The following HBS1L variants were observed in gnomAD, a reference collection of about 807,000 sequenced individuals.
HBS1L encodes the protein HBS1 like translational GTPase, also known as HBS1-like protein.
Under a neutral mutation model 88.9 loss-of-function variants are expected in HBS1L, and 55 were observed. The observed-to-expected ratio is 0.62, with a 90% CI of 0.50 to 0.77. The LOEUF (loss-of-function observed/expected upper bound fraction) is 0.77. HBS1L is among the 30% of genes least tolerant of loss of function. The probability of loss-of-function intolerance (pLI) is 0.00; values close to 1 mark genes in which losing one functional copy is unlikely to be tolerated. For synonymous variants in HBS1L, 267 were observed against 288.5 expected (o/e 0.93, Z 0.76); for missense variants, 741 against 829.3 (o/e 0.89, Z 1.31).
At chr6:134,972,635 C>G (rs1023530317) in intron 15 of HBS1L, among the ~76,000 whole-genome samples, 2 of 152,076 alleles carry the variant, frequency 1.3e-5, no homozygotes, top group Non-Finnish European at 2.9e-5. Flanking sequence ...ACAAAGGACA[C>G]TACCAAGAAA....
chr6:135,001,474 AT>A (rs11314951), intron 5 of HBS1L, among the ~76,000 whole-genome samples: 5,059 of 151,468 alleles, frequency 0.033, 266 homozygotes, highest in African/African-American at 0.11. Flanking sequence ...TATTCTATTT[AT>A]TTCCCCCCTC....
chr6:135,051,969 G>A (rs910432600), intron 1 of HBS1L, among the ~76,000 whole-genome samples: 1 of 152,210 alleles, frequency 6.6e-6, no homozygotes, highest in South Asian at 2.1e-4. Flanking sequence ...ACAAGTGCCT[G>A]ATGTGAGAAA....
intron 4 of HBS1L, among the ~76,000 whole-genome samples, chr6:135,023,248 T>G (rs1776125400): frequency 1.3e-5 from 2 of 152,148 alleles, no homozygotes; most frequent in South Asian, 4.1e-4. Context: ...ATCGAGACCA[T>G]CCTGGCTAAC....
intron 15 of HBS1L, among the ~76,000 whole-genome samples, chr6:134,975,773 G>A (rs1774625618): frequency 6.6e-6 from 1 of 152,028 alleles, no homozygotes; most frequent in Non-Finnish European, 1.5e-5. Context: ...TAACTCAAGA[G>A]GGACTTGGAT....
At chr6:135,042,868 T>C (rs775983096) in intron 2 of HBS1L, among the ~76,000 whole-genome samples, 16 of 151,762 alleles carry the variant, frequency 1.1e-4, no homozygotes, top group Non-Finnish European at 1.9e-4. Flanking sequence ...AGTGCTAATT[T>C]TGCCTGAATC....
At chr6:135,023,081 G>C (rs1776118284) in intron 4 of HBS1L, among the ~76,000 whole-genome samples, 1 of 151,718 alleles carries the variant, frequency 6.6e-6, no homozygotes, top group Admixed American at 6.6e-5. Context: ...GTTTATGGCT[G>C]TTCTTTATCT....
At chr6:135,004,803 G>A (rs369513090) in intron 4 of HBS1L, among the ~76,000 whole-genome samples, 3 of 152,198 alleles carry the variant, frequency 2.0e-5, no homozygotes, top group African/African-American at 4.8e-5. Flanking sequence ...GAACATGTTG[G>A]TTGACCTCAA....
At position 134,966,401 on chromosome 6, in the gene HBS1L, T is replaced by C. The variant is rs1240753052; in HGVS notation, c.1971A>G (p.Lys657=). The C allele has an allele frequency of 5.0e-6, 8 of 1,612,796 alleles. No individual in the cohort carries two copies. The African/African-American group carries it at 8.0e-5, about 16-fold the overall frequency. ...TQRPIALELY[K]DFKELGRFML... Reference sequence around the variant, plus strand: ...TGAACCTCCCCAGCTCTTTAAAGTCTTTATATAGCTCAAGAGCTATTGGTC... The same window carrying C: ...TGAACCTCCCCAGCTCTTTAAAGTCCTTATATAGCTCAAGAGCTATTGGTC... Residue 657 remains lysine (K), a synonymous_variant, in exon 17 of 18, where the codon AAA becomes AAG. Transcript: ENST00000367837.
chr6:135,029,028 C>T (rs908647072), intron 4 of HBS1L, among the ~76,000 whole-genome samples: 1 of 151,864 alleles, frequency 6.6e-6, no homozygotes, highest in African/African-American at 2.4e-5. Flanking sequence ...AAAGGTACTA[C>T]AATAAATCCA....
intron 4 of HBS1L, among the ~76,000 whole-genome samples, chr6:135,004,004 A>T (rs931671818): frequency 6.6e-6 from 1 of 152,218 alleles, no homozygotes; most frequent in Non-Finnish European, 1.5e-5. Flanking sequence ...ATGTGTCTTT[A>T]TAATTTTCAG....
At position 134,964,822 on chromosome 6, in the gene HBS1L, G is replaced by GAGAAAAA. The variant is rs1554222018; in HGVS notation, c.*456_*457insTTTTTCT. ...CCAAATCTTTTCTTAGCATTAACTG[G>GAGAAAAA]AAAAAAAAAAAAAAAAAAAGCTTAG... On this transcript the variant is annotated 3_prime_UTR_variant, in exon 18 of 18. Coordinates refer to ENST00000367837, the MANE Select transcript of HBS1L (RefSeq NM_006620.4). 3 of 84,380 alleles carry GAGAAAAA rather than the reference G, an allele frequency of 3.6e-5. No homozygotes were observed. The highest frequency in any genetic ancestry group is 1.3e-4 in the African/African-American group (3 of 23,238). 5.2% of individuals were successfully genotyped at this position (84,380 alleles called of 1,614,324 possible). A position where few individuals can be genotyped will look rare whatever the true frequency, so the allele number is the denominator to read the frequency against.
Position 134,965,155 on chromosome 6 carries a change from A to T in HBS1L, c.*124T>A. The stretch of plus-strand genomic sequence containing the variant: ...CTTCTTTGCAGCTAATTTTAGCTTT[A>T]ATTTTTCTCTCTCATCTAAAAACAT... On this transcript the variant is annotated 3_prime_UTR_variant, in exon 18 of 18. Coordinates refer to ENST00000367837, the MANE Select transcript of HBS1L (RefSeq NM_006620.4). 2.4e-6 allele frequency: 2 copies of T among 847,020 alleles called. No individual in the cohort carries two copies. The highest frequency in any genetic ancestry group is 1.5e-5 in the South Asian group (1 of 67,942). The allele number at this position is 847,020 out of a possible 1,614,324, so 52.5% of individuals were successfully genotyped here. A position where few individuals can be genotyped will look rare whatever the true frequency, so the allele number is the denominator to read the frequency against.
intron 8 of HBS1L, among the ~76,000 whole-genome samples, chr6:134,990,872 A>G (rs774115852): frequency 3.3e-5 from 5 of 152,156 alleles, no homozygotes; most frequent in Admixed American, 6.5e-5. Context: ...GATCTTTATA[A>G]TAACTGTGGA....
chr6:135,006,562 G>C (rs1775618192), intron 4 of HBS1L, among the ~76,000 whole-genome samples: 1 of 152,094 alleles, frequency 6.6e-6, no homozygotes, highest in Admixed American at 6.6e-5. Flanking sequence ...GAAATCAAGG[G>C]GGGGAAATGA....
In HBS1L at chr6:134,987,727, C is replaced by G. The variant is rs1775018476; in HGVS notation, c.1148G>C (p.Gly383Ala). The change falls in exon 9 of 18, where the codon GGA becomes GCA. Residue 383 changes from glycine (G) to alanine (A), a missense_variant. This residue lies in a region of HBS1L where 556 missense variants were observed against 598.4 expected (regional missense o/e 0.93). Transcript: ENST00000367837. ...GAGTCCATGCTCTCGTGTTTGTCCTCCAGTCTCAAATCCAGCTTCAAACTC... is the reference window on the plus strand; with the variant it reads ...GAGTCCATGCTCTCGTGTTTGTCCTGCAGTCTCAAATCCAGCTTCAAACTC... ...RGEFEAGFET[G>A]GQTREHGLLV... 1 of 1,607,758 alleles carries G rather than the reference C, an allele frequency of 6.2e-7. No homozygotes were observed. The highest frequency in any genetic ancestry group is 8.5e-7 in the Non-Finnish European group (1 of 1,177,012).
chr6:134,965,249 A>T lies in HBS1L; in HGVS notation c.*30T>A, dbSNP rs1562269236. On this transcript the variant is annotated 3_prime_UTR_variant, in exon 18 of 18. Coordinates refer to ENST00000367837, the MANE Select transcript of HBS1L (RefSeq NM_006620.4). Reference sequence around the variant, plus strand: ...AAACAGAGGTTAGCTATTTCACTGTATCCAGAAACGTGGTAGAAATTCTGA... The same window carrying T: ...AAACAGAGGTTAGCTATTTCACTGTTTCCAGAAACGTGGTAGAAATTCTGA... 1.3e-6 allele frequency: 2 copies of T among 1,553,688 alleles called. No individual in the cohort carries two copies. Among genetic ancestry groups the T allele is most frequent in the Admixed American group, 3.4e-5 (2 of 59,422 alleles).
chr6:134,961,090 C>CTTTTTTTT lies in HBS1L; in HGVS notation c.*4181_*4188dup, dbSNP rs58274929. 1.4e-4 allele frequency: 15 copies of CTTTTTTTT among 106,224 alleles called. 1 individual carries two copies. Among genetic ancestry groups the CTTTTTTTT allele is most frequent in the Admixed American group, 2.2e-4 (2 of 9,204 alleles). The allele number at this position is 106,224 out of a possible 1,614,324, so 6.6% of individuals were successfully genotyped here. A position where few individuals can be genotyped will look rare whatever the true frequency, so the allele number is the denominator to read the frequency against. ...TTGCTGTACAGACTTAGTTTCTTTG[C>CTTTTTTTT]TTTTTTTTTTTTTTTTTTTGCATTG... On this transcript the variant is annotated 3_prime_UTR_variant, in exon 18 of 18. Coordinates refer to ENST00000367837, the MANE Select transcript of HBS1L (RefSeq NM_006620.4).
intron 4 of HBS1L, among the ~76,000 whole-genome samples, chr6:135,024,811 A>G (rs1451095384): frequency 6.6e-6 from 1 of 152,178 alleles, no homozygotes; most frequent in African/African-American, 2.4e-5. Flanking sequence ...AGAAGAGGCT[A>G]ATTTTATGTA....
At chr6:135,044,936 T>C (rs1405565293) in intron 2 of HBS1L, among the ~76,000 whole-genome samples, 1 of 152,138 alleles carries the variant, frequency 6.6e-6, no homozygotes. Flanking sequence ...CCAGGAGCTA[T>C]TTTTTCTGTG....
Sources: gnomAD v4.1 joint callset for allele counts (sites outside exome capture counted in the v4.1 genomes callset) on GRCh38, gnomAD v4.1.1 for gene constraint, gnomAD v4.1.1 regional missense constraint, MANE v1.5 for transcripts, NCBI Gene and HGNC (gene_info 2026-07-23, HGNC 2026-07-21) for gene names.